The following KLHL20 variants were observed in gnomAD, a reference collection of about 807,000 sequenced individuals.
The protein encoded by KLHL20 is kelch-like protein 20.
Under a neutral mutation model 69.5 loss-of-function variants are expected in KLHL20, and 29 were observed. The observed-to-expected ratio is 0.42, with a 90% CI of 0.31 to 0.57. The LOEUF is 0.57. KLHL20 is among the 20% of genes least tolerant of loss of function. The pLI, the probability that KLHL20 is intolerant of heterozygous loss-of-function variation, is 0.18. For missense variants in KLHL20, 419 were observed against 776.0 expected (o/e 0.54, Z 5.47); for synonymous variants, 253 against 265.2 (o/e 0.95, Z 0.45).
chr1:173,729,791 C>T (rs1402085148), intron 2 of KLHL20, among the ~76,000 whole-genome samples: 3 of 152,282 alleles, frequency 2.0e-5, no homozygotes, highest in East Asian at 1.9e-4. Flanking sequence ...TGGAAGCACT[C>T]CCTTTGAAAA....
chr1:173,721,620 A>G (rs1236988050), intron 2 of KLHL20, among the ~76,000 whole-genome samples: 1 of 152,242 alleles, frequency 6.6e-6, no homozygotes, highest in East Asian at 1.9e-4. Context: ...CGATCACTGG[A>G]CCAAGGCACC....
At chr1:173,742,715 CACATGTATGTATAT>C (rs1469696609) in intron 3 of KLHL20, among the ~76,000 whole-genome samples, 1 of 149,156 alleles carries the variant, frequency 6.7e-6, no homozygotes, top group Non-Finnish European at 1.5e-5. Flanking sequence ...TACATATGTA[CACATGTATGTATAT>C]ACATGTGTGT....
At chr1:173,733,625 C>T (rs45467799) in intron 2 of KLHL20, 88 bp from the exon 3 acceptor site, 300,973 of 1,129,512 alleles carry the variant, frequency 0.27, 41,745 homozygotes, top group Middle Eastern at 0.34. Context: ...ATTACATTTC[C>T]TTATCGCTTG....
chr1:173,785,448 T>C lies in KLHL20; in HGVS notation c.*201T>C. On this transcript the variant is annotated 3_prime_UTR_variant, in exon 12 of 12. Coordinates refer to ENST00000209884, the MANE Select transcript of KLHL20 (RefSeq NM_014458.4). The stretch of plus-strand genomic sequence containing the variant: ...CTCTGTGCAGAAGAATATTTATTTT[T>C]GGTTTTAATTTATCATGGTTTTTTG... The C allele has an allele frequency of 3.2e-6, 1 of 311,424 alleles. No homozygotes were observed. Among genetic ancestry groups the C allele is most frequent in the Middle Eastern group, 8.7e-4 (1 of 1,156 alleles). 19.3% of individuals were successfully genotyped at this position (311,424 alleles called of 1,614,324 possible). A position where few individuals can be genotyped will look rare whatever the true frequency, so the allele number is the denominator to read the frequency against.
At position 173,750,296 on chromosome 1, in the gene KLHL20, A is replaced by ATATT. The variant is rs1301566485; in HGVS notation, c.598-1450_598-1447dup. Among the ~76,000 whole-genome samples the ATATT allele has an allele frequency of 5.3e-5, 8 of 152,018 alleles. No homozygotes were observed. The East Asian group carries it at 9.7e-4, about 18-fold the overall frequency. On this transcript the variant is annotated intron_variant, in intron 3 of 11. Transcript: ENST00000209884. The stretch of plus-strand genomic sequence containing the variant: ...GTATTTTTTCCTAATGCACTCGAGA[A>ATATT]TATTTATTTATTTATTTATTTTCTT...
chr1:173,770,680 C>CAAA lies in KLHL20; in HGVS notation c.1296-3615_1296-3613dup, dbSNP rs368668788. ...GGGCATCAAGAGCAAAACTCTCTCT[C>CAAA]AAAAAAAAAAAAGAGAGAGGAAAAA... On this transcript the variant is annotated intron_variant, in intron 8 of 11. Coordinates refer to ENST00000209884, the MANE Select transcript of KLHL20 (RefSeq NM_014458.4). 1.8e-3 allele frequency among the ~76,000 whole-genome samples: 183 copies of CAAA among 99,786 alleles called. 1 individual carries two copies. The Middle Eastern group carries it at 0.02, about 11-fold the overall frequency. 65.5% of individuals were successfully genotyped at this position (99,786 alleles called of 152,430 possible).
At chr1:173,780,650 C>G (rs914229633) in intron 10 of KLHL20, among the ~76,000 whole-genome samples, 4 of 152,086 alleles carry the variant, frequency 2.6e-5, no homozygotes, top group East Asian at 3.9e-4. Context: ...AGTGGTGCAT[C>G]CCTGTAGTCC....
chr1:173,717,573 A>G (rs114571836), intron 2 of KLHL20, among the ~76,000 whole-genome samples: 3,371 of 152,262 alleles, frequency 0.022, 122 homozygotes, highest in African/African-American at 0.077. Context: ...CAGTCTCTGT[A>G]ATGCTGGGTT....
At chr1:173,758,757 T>C (rs1032344896) in intron 7 of KLHL20, among the ~76,000 whole-genome samples, 4 of 152,186 alleles carry the variant, frequency 2.6e-5, no homozygotes, top group African/African-American at 9.6e-5. Flanking sequence ...CATTCCTGCC[T>C]GGCACCACAG....
chr1:173,726,504 G>A (rs550806734), intron 2 of KLHL20, among the ~76,000 whole-genome samples: 3 of 152,254 alleles, frequency 2.0e-5, no homozygotes, highest in East Asian at 1.9e-4. Flanking sequence ...CCCCCCAGTA[G>A]GGGCAGACTG....
chr1:173,741,944 C>G, intron 3 of KLHL20: 1 of 925,786 alleles, frequency 1.1e-6, no homozygotes, highest in Admixed American at 2.0e-5. Flanking sequence ...CACTCTGAAT[C>G]AAGATAAGTG....
intron 3 of KLHL20, among the ~76,000 whole-genome samples, chr1:173,750,796 A>C (rs1673275407): frequency 6.6e-6 from 1 of 152,204 alleles, no homozygotes; most frequent in African/African-American, 2.4e-5. Context: ...CCTGAGCTCA[A>C]ATAGTTCTCC....
chr1:173,751,495 A>G (rs1673311440), intron 3 of KLHL20, among the ~76,000 whole-genome samples: 1 of 152,072 alleles, frequency 6.6e-6, no homozygotes, highest in South Asian at 2.1e-4. Context: ...AATTTGTCTT[A>G]TTTTGAATAT....
In KLHL20 at chr1:173,716,140, A is replaced by G; in HGVS notation, c.23+74A>G. On this transcript the variant is annotated intron_variant, in intron 2 of 11. Transcript: ENST00000209884. ...ATGTAATAATTTAAATTTTTAAAAA[A>G]GAGTTTCAATCTTACTAAATTCTGC... The G allele has an allele frequency of 5.6e-6, 8 of 1,439,986 alleles. No individual in the cohort carries two copies. The South Asian group carries it at 9.5e-5, about 17-fold the overall frequency. 89.2% of individuals were successfully genotyped at this position (1,439,986 alleles called of 1,614,324 possible).
chr1:173,774,265 T>C, intron 8 of KLHL20, 40 bp from the exon 9 acceptor site: 1 of 1,612,970 alleles, frequency 6.2e-7, no homozygotes, highest in Non-Finnish European at 8.5e-7. Flanking sequence ...AGGCTTCACT[T>C]AATAAGAACA....
At position 173,733,824 on chromosome 1, in the gene KLHL20, T is replaced by C. The variant is rs1456809077; in HGVS notation, c.135T>C (p.Tyr45=). The C allele has an allele frequency of 1.2e-6, 2 of 1,614,088 alleles. No individual in the cohort carries two copies. Among genetic ancestry groups the C allele is most frequent in the Admixed American group, 3.3e-5 (2 of 59,994 alleles). Residue 45 remains tyrosine (Y), a synonymous_variant, in exon 3 of 12, where the codon TAT becomes TAC. Coordinates refer to ENST00000209884, the MANE Select transcript of KLHL20 (RefSeq NM_014458.4). ...TTCCCCAACCTGCCCGCATGCCCTA[T>C]ATCTCAGACAAGCACCCTCGACAAA... ...EGVPQPARMP[Y]ISDKHPRQTL...
At chr1:173,763,866 TAA>T (rs60028962) in intron 7 of KLHL20, among the ~76,000 whole-genome samples, 6 of 119,518 alleles carry the variant, frequency 5.0e-5, no homozygotes, top group Admixed American at 8.5e-5. Flanking sequence ...GCAAATGCAA[TAA>T]AAAAAAAAAA....
chr1:173,715,534 G>A (rs964474740), intron 1 of KLHL20: 2 of 154,014 alleles, frequency 1.3e-5, no homozygotes, highest in African/African-American at 4.8e-5. Context: ...TCCCTGGACT[G>A]TCGGAAGCGG....
At position 173,734,111 on chromosome 1, in the gene KLHL20, T is replaced by C; in HGVS notation, c.422T>C (p.Leu141Pro). Residue 141 changes from leucine to proline, a missense_variant, in exon 3 of 12, where the codon CTT becomes CCT. Leu to Pro is a moderately conservative substitution (Grantham distance 98). Transcript: ENST00000209884. The part of the protein sequence containing the change: ...ITVEEGNVQT[L>P]LPAACLLQLA... ...GTAGAAGAGGGCAATGTTCAGACTCTTCTGCCAGCTGCTTGCCTCCTCCAG... is the reference window on the plus strand; with the variant it reads ...GTAGAAGAGGGCAATGTTCAGACTCCTCTGCCAGCTGCTTGCCTCCTCCAG... 6.2e-7 allele frequency: 1 copy of C among 1,614,238 alleles called. No homozygotes were observed. The highest frequency in any genetic ancestry group is 8.5e-7 in the Non-Finnish European group (1 of 1,180,046).
Sources: gnomAD v4.1 joint callset for allele counts (sites outside exome capture counted in the v4.1 genomes callset) on GRCh38, gnomAD v4.1.1 for gene constraint, MANE v1.5 for transcripts, NCBI Gene and HGNC (gene_info 2026-07-23, HGNC 2026-07-21) for gene names.